Variants in ROBO1 observed in about 807,000 individuals in gnomAD.
ROBO1 encodes the protein roundabout guidance receptor 1.
In ROBO1, 149 loss-of-function variants were observed where a neutral mutation model predicts 195.9. That is an observed-to-expected ratio of 0.76 (90% CI 0.67 to 0.87). The LOEUF is 0.87. Ranked by LOEUF, ROBO1 falls within the 40% of genes least tolerant of loss-of-function variation. The probability of loss-of-function intolerance (pLI) is 0.00; values close to 1 mark genes in which losing one functional copy is unlikely to be tolerated. For missense variants in ROBO1, 1,933 were observed against 2,068.3 expected, an observed-to-expected ratio of 0.93 and a Z score of 1.27; for synonymous variants, 816 against 733.2, an observed-to-expected ratio of 1.11 and a Z score of -1.82.
intron 1 of ROBO1, among the ~76,000 whole-genome samples, chr3:79,673,350 A>G (rs1037657601): frequency 6.6e-6 from 1 of 151,672 alleles, no homozygotes; most frequent in Non-Finnish European, 1.5e-5. Flanking sequence ...GGGTGTGTAT[A>G]ATTTTTAGAT....
intron 2 of ROBO1, among the ~76,000 whole-genome samples, chr3:79,555,945 T>C (rs1942683038): frequency 6.6e-6 from 1 of 152,142 alleles, no homozygotes; most frequent in African/African-American, 2.4e-5. Flanking sequence ...CGCATGCTTA[T>C]GTGATTTGCC....
In ROBO1 at chr3:79,557,730, T is replaced by TA. The variant is rs368317896; in HGVS notation, c.88+32093dup. 1.2e-3 allele frequency among the ~76,000 whole-genome samples: 134 copies of TA among 110,350 alleles called. 1 individual carries two copies. The highest frequency in any genetic ancestry group is 1.9e-3 in the Non-Finnish European group (104 of 55,536). The allele number at this position is 110,350 out of a possible 152,430, so 72.4% of individuals were successfully genotyped here. ...CCTGGGCAACAGAGCGAGACTGTCT[T>TA]AAAACAAAAAAAAATATATATATAT... On this transcript the variant is annotated intron_variant, in intron 2 of 30. Transcript: ENST00000464233.
chr3:79,369,885 T>C (rs2036125477), intron 2 of ROBO1, among the ~76,000 whole-genome samples: 1 of 152,176 alleles, frequency 6.6e-6, no homozygotes, highest in Non-Finnish European at 1.5e-5. Context: ...TGCAAGTAGT[T>C]ACTAACTTGA....
intron 1 of ROBO1, among the ~76,000 whole-genome samples, chr3:79,750,402 G>A (rs1342251878): frequency 6.6e-6 from 1 of 152,154 alleles, no homozygotes; most frequent in African/African-American, 2.4e-5. Flanking sequence ...AAAGCTCTGG[G>A]GGACTGTTAG....
At chr3:79,195,578 G>A (rs1365060927) in intron 2 of ROBO1, among the ~76,000 whole-genome samples, 2 of 151,254 alleles carry the variant, frequency 1.3e-5, no homozygotes, top group East Asian at 3.9e-4. Flanking sequence ...TAAAAAAGAA[G>A]GACTTGTATA....
intron 2 of ROBO1, among the ~76,000 whole-genome samples, chr3:79,330,457 G>A (rs929228284): frequency 3.3e-5 from 5 of 151,032 alleles, no homozygotes; most frequent in African/African-American, 1.2e-4. Context: ...ACAAATGGTT[G>A]ACAGAAGGCA....
At chr3:78,922,675 T>A (rs564776383) in intron 4 of ROBO1, among the ~76,000 whole-genome samples, 1 of 148,756 alleles carries the variant, frequency 6.7e-6, no homozygotes, top group Admixed American at 6.8e-5. Context: ...AGTGGCACGA[T>A]CTCAGCTCAC....
chr3:78,639,334 A>G (rs1575821565), intron 22 of ROBO1, among the ~76,000 whole-genome samples: 1 of 149,354 alleles, frequency 6.7e-6, no homozygotes, highest in African/African-American at 2.5e-5. Context: ...CTGATGGTGC[A>G]GGCCTGTAGT....
intron 2 of ROBO1, among the ~76,000 whole-genome samples, chr3:79,150,103 C>T (rs533885601): frequency 2.0e-5 from 3 of 151,848 alleles, no homozygotes; most frequent in Admixed American, 2.0e-4. Flanking sequence ...CAGATTTTCC[C>T]ATCTAGACAC....
At chr3:79,506,696 G>T (rs1003683639) in intron 2 of ROBO1, among the ~76,000 whole-genome samples, 13 of 152,200 alleles carry the variant, frequency 8.5e-5, no homozygotes, top group Admixed American at 2.6e-4. Flanking sequence ...ACCCGCCTTG[G>T]CCTCCCAAAG....
intron 1 of ROBO1, among the ~76,000 whole-genome samples, chr3:79,626,521 T>C (rs1179623166): frequency 6.6e-6 from 1 of 152,324 alleles, no homozygotes; most frequent in East Asian, 1.9e-4. Flanking sequence ...GAGCTATTTA[T>C]GACAAATGCA....
Position 78,880,245 on chromosome 3 carries a change from C to T in ROBO1, c.499+58356G>A, listed in dbSNP as rs577413711. 9.5e-4 allele frequency among the ~76,000 whole-genome samples: 144 copies of T among 152,166 alleles called. 1 individual carries two copies. The highest frequency in any genetic ancestry group is 3.3e-3 in the African/African-American group (139 of 41,504). On this transcript the variant is annotated intron_variant, in intron 4 of 30. Transcript: ENST00000464233. Reference sequence around the variant, plus strand: ...TAATATGTGGTAAATCCTACCAGTCCTACCAGTTAGGATCAGAAGATTGAC... The same window carrying T: ...TAATATGTGGTAAATCCTACCAGTCTTACCAGTTAGGATCAGAAGATTGAC...
At chr3:79,384,706 A>T (rs367938506) in intron 2 of ROBO1, among the ~76,000 whole-genome samples, 276 of 152,174 alleles carry the variant, frequency 1.8e-3, no homozygotes, top group African/African-American at 6.3e-3. Context: ...ATGTTGCATT[A>T]CAATCTGTTT....
intron 2 of ROBO1, among the ~76,000 whole-genome samples, chr3:79,375,985 C>A (rs1358781638): frequency 6.6e-6 from 1 of 152,182 alleles, no homozygotes; most frequent in Non-Finnish European, 1.5e-5. Flanking sequence ...GTGATATCCA[C>A]AGGACTGAAG....
intron 3 of ROBO1, among the ~76,000 whole-genome samples, chr3:79,008,192 T>G (rs754371510): frequency 1.3e-5 from 2 of 152,190 alleles, no homozygotes; most frequent in Non-Finnish European, 2.9e-5. Context: ...GAAACATCTT[T>G]CATTCATACA....
chr3:78,846,646 C>A (rs1203795603), intron 4 of ROBO1, among the ~76,000 whole-genome samples: 1 of 152,102 alleles, frequency 6.6e-6, no homozygotes, highest in African/African-American at 2.4e-5. Context: ...GATACCAACA[C>A]AAGATTCTGG....
intron 3 of ROBO1, among the ~76,000 whole-genome samples, chr3:79,109,635 C>T (rs1053220168): frequency 6.6e-6 from 1 of 151,908 alleles, no homozygotes; most frequent in African/African-American, 2.4e-5. Context: ...AAATCTAAAG[C>T]GTTACACTTA....
chr3:78,602,366 T>C (rs1703227459), intron 29 of ROBO1, among the ~76,000 whole-genome samples: 1 of 152,136 alleles, frequency 6.6e-6, no homozygotes, highest in African/African-American at 2.4e-5. Flanking sequence ...GATTCTAAGC[T>C]TCCTGAGGTC....
intron 1 of ROBO1, among the ~76,000 whole-genome samples, chr3:79,723,054 G>T (rs1702771479): frequency 6.6e-6 from 1 of 152,130 alleles, no homozygotes. Context: ...ATGAACCATG[G>T]CTATTTTTGG....
Sources: allele counts gnomAD v4.1 joint callset (sites outside exome capture counted in the v4.1 genomes callset), GRCh38; gene constraint gnomAD v4.1.1; transcripts MANE v1.5; gene names NCBI Gene and HGNC (gene_info 2026-07-23, HGNC 2026-07-21).